The following WWOX variants were observed in gnomAD, a reference collection of about 807,000 sequenced individuals.
WWOX encodes WW domain containing oxidoreductase.
WWOX carries 69 observed loss-of-function variants against 46.2 expected under a neutral mutation model. The observed-to-expected ratio is 1.49, with a 90% CI of 1.23 to 1.82. WWOX has a LOEUF of 1.82. Among genes scored for constraint, WWOX ranks in the 40% most tolerant of loss-of-function variants. The pLI is 0.00. For missense variants in WWOX, 919 were observed against 542.6 expected (o/e 1.69, Z -6.89); for synonymous variants, 359 against 202.6 (o/e 1.77, Z -6.56).
intron 8 of WWOX, chr16:79,017,229 G>C (rs1212382407): frequency 6.6e-6 from 1 of 152,000 alleles, no homozygotes; most frequent in Admixed American, 6.6e-5. Flanking sequence ...AGAAGTTGGA[G>C]ACCATCCTGG....
At chr16:78,889,761 G>C (rs1021945039) in intron 8 of WWOX, among the ~76,000 whole-genome samples, 2 of 152,076 alleles carry the variant, frequency 1.3e-5, no homozygotes, top group Non-Finnish European at 2.9e-5. Context: ...TCCCTATTTT[G>C]TTTTGTTCCG....
At chr16:78,431,167 C>T (rs1362669607) in intron 7 of WWOX, among the ~76,000 whole-genome samples, 1 of 152,172 alleles carries the variant, frequency 6.6e-6, no homozygotes, top group African/African-American at 2.4e-5. Context: ...AAGAAACAAA[C>T]AGCTGGTGTT....
At position 79,212,336 on chromosome 16, in the gene WWOX, G is replaced by C. The variant is rs963909362; in HGVS notation, c.*540G>C. On this transcript the variant is annotated 3_prime_UTR_variant, in exon 9 of 9. Transcript: ENST00000566780. ...AAATCTCAGAACCTTGTCCCAGCCAGTGAGGATGACAGTGACACCCAGAGG... is the reference window on the plus strand; with the variant it reads ...AAATCTCAGAACCTTGTCCCAGCCACTGAGGATGACAGTGACACCCAGAGG... 3 of 713,360 alleles carry C rather than the reference G, an allele frequency of 4.2e-6. No individual in the cohort carries two copies. The highest frequency in any genetic ancestry group is 1.8e-5 in the African/African-American group (1 of 55,992). 44.2% of individuals were successfully genotyped at this position (713,360 alleles called of 1,614,324 possible). A position where few individuals can be genotyped will look rare whatever the true frequency, so the allele number is the denominator to read the frequency against.
intron 7 of WWOX, among the ~76,000 whole-genome samples, chr16:78,427,447 G>T (rs1042878180): frequency 6.6e-6 from 1 of 152,120 alleles, no homozygotes; most frequent in Non-Finnish European, 1.5e-5. Flanking sequence ...AAAGAGCAGA[G>T]TGCTGGTTGA....
chr16:79,084,855 A>G (rs781281246), intron 8 of WWOX, among the ~76,000 whole-genome samples: 6 of 152,226 alleles, frequency 3.9e-5, no homozygotes, highest in Non-Finnish European at 8.8e-5. Context: ...TCAACCTTTC[A>G]TTTGTACATA....
chr16:78,469,952 GT>G (rs2084181371), intron 8 of WWOX, among the ~76,000 whole-genome samples: 1 of 152,228 alleles, frequency 6.6e-6, no homozygotes, highest in African/African-American at 2.4e-5. Flanking sequence ...TACATTGTAT[GT>G]TGGTACGTTA....
intron 8 of WWOX, among the ~76,000 whole-genome samples, chr16:78,887,996 C>T (rs1167173196): frequency 6.6e-6 from 1 of 152,208 alleles, no homozygotes; most frequent in African/African-American, 2.4e-5. Flanking sequence ...TGACATCCCA[C>T]ATTGGACTTG....
At chr16:78,460,525 A>T (rs1264093679) in intron 8 of WWOX, among the ~76,000 whole-genome samples, 1 of 152,162 alleles carries the variant, frequency 6.6e-6, no homozygotes, top group African/African-American at 2.4e-5. Context: ...TCCAACCCTG[A>T]ATGTGACTGA....
chr16:78,757,773 A>G (rs1335943124), intron 8 of WWOX, among the ~76,000 whole-genome samples: 1 of 151,974 alleles, frequency 6.6e-6, no homozygotes, highest in Non-Finnish European at 1.5e-5. Context: ...ATTGACAGAT[A>G]GCGACCTTCC....
chr16:78,861,512 T>C (rs970183772), intron 8 of WWOX, among the ~76,000 whole-genome samples: 1 of 152,170 alleles, frequency 6.6e-6, no homozygotes, highest in African/African-American at 2.4e-5. Context: ...GCCTGAAAAT[T>C]TACCAAAGTA....
At position 78,349,813 on chromosome 16, in the gene WWOX, T is replaced by C. The variant is rs969066299; in HGVS notation, c.517-37047T>C. ...GAAATAATTTTAGCAAGCCCAGTGA[T>C]TGGAAAACAATGACTCAACTTTGAG... On this transcript the variant is annotated intron_variant, in intron 5 of 8. Transcript: ENST00000566780. Among the ~76,000 whole-genome samples, 6 of 121,276 alleles carry C rather than the reference T, an allele frequency of 4.9e-5. 2 individuals are homozygous for C. Among genetic ancestry groups the C allele is most frequent in the Admixed American group, 1.6e-4 (2 of 12,458 alleles). 79.6% of individuals were successfully genotyped at this position (121,276 alleles called of 152,430 possible).
intron 8 of WWOX, among the ~76,000 whole-genome samples, chr16:78,528,916 C>A (rs2043550060): frequency 6.9e-6 from 1 of 145,834 alleles, no homozygotes; most frequent in Admixed American, 6.8e-5. Context: ...AAAAAACTTT[C>A]TTTTTTTTTT....
intron 5 of WWOX, among the ~76,000 whole-genome samples, chr16:78,248,395 G>A (rs28625979): frequency 0.017 from 2,598 of 152,252 alleles, 65 homozygotes; most frequent in African/African-American, 0.056. Flanking sequence ...CTGTCCGCAT[G>A]ATCTAATCAC....
chr16:79,047,292 A>C (rs930874223), intron 8 of WWOX, among the ~76,000 whole-genome samples: 2 of 152,200 alleles, frequency 1.3e-5, no homozygotes, highest in African/African-American at 4.8e-5. Flanking sequence ...AGCAAGTCTT[A>C]ATAGTCTGAA....
chr16:78,509,905 T>C (rs907934739), intron 8 of WWOX, among the ~76,000 whole-genome samples: 2 of 141,862 alleles, frequency 1.4e-5, no homozygotes, highest in African/African-American at 5.3e-5. Context: ...CCAGGCAACA[T>C]AGTGAGACCT....
At chr16:78,671,320 G>A in intron 8 of WWOX, among the ~76,000 whole-genome samples, 1 of 152,216 alleles carries the variant, frequency 6.6e-6, no homozygotes, top group Non-Finnish European at 1.5e-5. Flanking sequence ...AGCTACTTGG[G>A]AGGCTGGGAT....
intron 6 of WWOX, among the ~76,000 whole-genome samples, chr16:78,418,607 A>G (rs2082853097): frequency 6.6e-6 from 1 of 152,210 alleles, no homozygotes; most frequent in African/African-American, 2.4e-5. Context: ...ATTGTATATT[A>G]TGACTAAGTG....
At chr16:78,980,560 C>G (rs541803440) in intron 8 of WWOX, among the ~76,000 whole-genome samples, 1 of 152,086 alleles carries the variant, frequency 6.6e-6, no homozygotes. Context: ...TTGTCTTTTA[C>G]GAAGCGTTTT....
At chr16:79,003,511 C>T (rs61140490) in intron 8 of WWOX, among the ~76,000 whole-genome samples, 4,979 of 152,232 alleles carry the variant, frequency 0.033, 255 homozygotes, top group African/African-American at 0.11. Flanking sequence ...GGTCAGGACT[C>T]TGGATAGGGT....
Sources: allele counts gnomAD v4.1 joint callset (sites outside exome capture counted in the v4.1 genomes callset), GRCh38; gene constraint gnomAD v4.1.1; transcripts MANE v1.5; gene names NCBI Gene and HGNC (gene_info 2026-07-23, HGNC 2026-07-21).